The following CSNK2A2 variants were observed in gnomAD, a reference collection of about 807,000 sequenced individuals.
CSNK2A2 encodes casein kinase 2 alpha 2, also known as casein kinase II subunit alpha'.
In CSNK2A2, 8 loss-of-function variants were observed where a neutral mutation model predicts 54.0. The ratio of observed to expected loss-of-function variants is 0.15; its 90% CI spans 0.09 to 0.27. CSNK2A2 has a LOEUF of 0.27. Ranked by LOEUF, CSNK2A2 falls within the 10% of genes least tolerant of loss-of-function variation. The pLI, the probability that CSNK2A2 is intolerant of heterozygous loss-of-function variation, is 1.00. For missense variants in CSNK2A2, 242 were observed against 439.4 expected (o/e 0.55, Z 4.02); for synonymous variants, 141 against 153.9 (o/e 0.92, Z 0.62).
intron 2 of CSNK2A2, among the ~76,000 whole-genome samples, chr16:58,191,510 C>T (rs1004635902): frequency 3.3e-5 from 5 of 151,998 alleles, no homozygotes; most frequent in African/African-American, 9.7e-5. Flanking sequence ...TACAGGCACC[C>T]GCCACCATGG....
chr16:58,178,223 T>C (rs1433553928), intron 4 of CSNK2A2, among the ~76,000 whole-genome samples: 3 of 152,098 alleles, frequency 2.0e-5, no homozygotes, highest in Admixed American at 2.0e-4. Flanking sequence ...TGGAGTGTCT[T>C]ATCGAAATCT....
At chr16:58,171,970 TA>T in intron 5 of CSNK2A2, among the ~76,000 whole-genome samples, 2 of 31,612 alleles carry the variant, frequency 6.3e-5, no homozygotes, top group East Asian at 5.3e-4. Flanking sequence ...TATATATATA[TA>T]TATATATATT....
chr16:58,175,182 A>C (rs554873632), intron 4 of CSNK2A2, among the ~76,000 whole-genome samples: 12 of 152,194 alleles, frequency 7.9e-5, no homozygotes, highest in Non-Finnish European at 1.5e-4. Context: ...TGATAGGTAA[A>C]TGGAAGTTTT....
intron 1 of CSNK2A2, 103 bp from the exon 2 acceptor site, chr16:58,196,947 A>T: frequency 1.3e-6 from 1 of 785,946 alleles, no homozygotes; most frequent in East Asian, 2.5e-5. Flanking sequence ...AAACACTTGG[A>T]AGTGTCTATA....
At chr16:58,162,938 T>A (rs977369222) in intron 11 of CSNK2A2, 1 of 152,218 alleles carries the variant, frequency 6.6e-6, no homozygotes. Context: ...AGTACCTGCA[T>A]GCAAGACAGA....
chr16:58,176,934 T>G (rs1487868787), intron 4 of CSNK2A2, among the ~76,000 whole-genome samples: 2 of 152,222 alleles, frequency 1.3e-5, no homozygotes, highest in African/African-American at 2.4e-5. Context: ...TTCCCTGTGC[T>G]TCGTGGCATA....
chr16:58,187,495 C>A (rs1273269843), intron 2 of CSNK2A2, among the ~76,000 whole-genome samples: 1 of 152,320 alleles, frequency 6.6e-6, no homozygotes, highest in East Asian at 1.9e-4. Flanking sequence ...AGTGACTGAA[C>A]ACTTCTATCT....
intron 2 of CSNK2A2, among the ~76,000 whole-genome samples, chr16:58,193,358 G>A (rs1323453362): frequency 6.6e-6 from 1 of 152,174 alleles, no homozygotes; most frequent in Non-Finnish European, 1.5e-5. Context: ...ATATCTGCAA[G>A]TATGCTAAAC....
chr16:58,158,526 G>A (rs1308234703), intron 11 of CSNK2A2, among the ~76,000 whole-genome samples, 173 bp from the exon 12 acceptor site: 21 of 152,184 alleles, frequency 1.4e-4, no homozygotes, highest in Admixed American at 1.2e-3. Flanking sequence ...AGTACCCTCT[G>A]CCTTCCTCTT....
chr16:58,166,496 C>A, intron 9 of CSNK2A2, 88 bp downstream of exon 9: 1 of 832,146 alleles, frequency 1.2e-6, no homozygotes, highest in South Asian at 1.6e-5. Context: ...TTACTATAAT[C>A]AGAATGGGAA....
At chr16:58,184,172 T>C (rs950324099) in intron 4 of CSNK2A2, 88 bp downstream of exon 4, 2 of 988,828 alleles carry the variant, frequency 2.0e-6, no homozygotes, top group South Asian at 1.8e-5. Flanking sequence ...ATGACAGCCC[T>C]GGCCCCTTGG....
chr16:58,179,941 T>C (rs892121070), intron 4 of CSNK2A2, among the ~76,000 whole-genome samples: 5 of 151,848 alleles, frequency 3.3e-5, no homozygotes, highest in African/African-American at 1.2e-4. Flanking sequence ...TAGCCAGGCA[T>C]GGTGGCACAC....
intron 2 of CSNK2A2, among the ~76,000 whole-genome samples, chr16:58,195,231 GAA>G (rs751955426): frequency 1.0e-4 from 15 of 150,636 alleles, no homozygotes; most frequent in South Asian, 2.1e-4. Context: ...CATATTTAGG[GAA>G]GAGAGGAGTC....
intron 9 of CSNK2A2, among the ~76,000 whole-genome samples, chr16:58,166,292 CT>C (rs1218427908): frequency 1.3e-5 from 2 of 152,194 alleles, no homozygotes; most frequent in Non-Finnish European, 2.9e-5. Flanking sequence ...AATCATTGCT[CT>C]CCAAGTTTGG....
chr16:58,178,394 C>A (rs1961935068), intron 4 of CSNK2A2, among the ~76,000 whole-genome samples: 1 of 152,008 alleles, frequency 6.6e-6, no homozygotes, highest in African/African-American at 2.4e-5. Context: ...ACGTGATTCT[C>A]CTACCTCTGC....
rs1567464371 is a variant in CSNK2A2 at position 58,167,919 on chromosome 16, G to C, written c.514-124C>G. The C allele has an allele frequency of 2.4e-5, 17 of 706,332 alleles. 1 individual carries two copies. In the South Asian group the frequency reaches 2.8e-4, roughly 12 times the overall value. The allele number at this position is 706,332 out of a possible 1,614,324, so 43.8% of individuals were successfully genotyped here. On this transcript the variant is annotated intron_variant, in intron 6 of 11. Transcript: ENST00000262506. ...CACAAAAAATGTGAGCAGGTGCACT[G>C]GCTTAAAAATTACATTTTCAGCAAT...
chr16:58,172,402 G>C (rs1048449527), intron 5 of CSNK2A2, among the ~76,000 whole-genome samples: 6 of 152,140 alleles, frequency 3.9e-5, no homozygotes, highest in Non-Finnish European at 4.4e-5. Context: ...ATCTGAATCA[G>C]GAGATCAGGT....
chr16:58,176,561 C>T (rs929347064), intron 4 of CSNK2A2, among the ~76,000 whole-genome samples: 13 of 152,176 alleles, frequency 8.5e-5, no homozygotes, highest in African/African-American at 3.1e-4. Context: ...TATGCAGGGT[C>T]CACAGTCTGG....
At chr16:58,174,318 T>A in intron 5 of CSNK2A2, 133 bp downstream of exon 5, 1 of 632,540 alleles carries the variant, frequency 1.6e-6, no homozygotes. Context: ...GAGGCCTCAA[T>A]ATAAGTTTAA....
Sources: gnomAD v4.1 joint callset for allele counts (sites outside exome capture counted in the v4.1 genomes callset) on GRCh38, gnomAD v4.1.1 for gene constraint, MANE v1.5 for transcripts, NCBI Gene and HGNC (gene_info 2026-07-23, HGNC 2026-07-21) for gene names.